The following NLRC5 variants were observed in gnomAD, a reference collection of about 807,000 sequenced individuals.
The protein encoded by NLRC5 is NLR family CARD domain containing 5.
In NLRC5, 114 loss-of-function variants were observed where a neutral mutation model predicts 206.9. The ratio of observed to expected loss-of-function variants is 0.55; its 90% CI spans 0.47 to 0.64. The LOEUF (loss-of-function observed/expected upper bound fraction) is 0.64, where lower values mean the gene tolerates loss of function less well. Ranked by LOEUF, NLRC5 falls within the 30% of genes least tolerant of loss-of-function variation. NLRC5 has a pLI of 0.00. For synonymous variants in NLRC5, 952 were observed against 962.8 expected (o/e 0.99, Z 0.21); for missense variants, 2,008 against 2,305.5 (o/e 0.87, Z 2.64).
chr16:57,031,482 G>T lies in NLRC5; in HGVS notation c.2477+19G>T, dbSNP rs367911623. ...TACAAAGGTAAGAAGCCAAGAGGCG[G>T]TGGGCCTGGGGCCATCCTTAGAAGC... On this transcript the variant is annotated intron_variant, in intron 11 of 48. Coordinates refer to ENST00000688547, the MANE Select transcript of NLRC5 (RefSeq NM_001384950.1). 6.8e-6 allele frequency: 11 copies of T among 1,613,434 alleles called. No individual in the cohort carries two copies. The highest frequency in any genetic ancestry group is 1.3e-5 in the African/African-American group (1 of 74,784).
Position 57,065,289 on chromosome 16 carries a change from C to T in NLRC5, c.4232C>T (p.Thr1411Ile). The stretch of plus-strand genomic sequence containing the variant: ...TGCGCCCAGGCCTCAGGCAGTGTCA[C>T]TGAAATCAGGTGAGTCCAGAGAAGA... ...EVCAQASGSVTEISISETQQQ... is the reference protein window; with the variant it reads ...EVCAQASGSVIEISISETQQQ... Residue 1411 changes from threonine to isoleucine, a missense_variant, in exon 33 of 49, where the codon ACT (threonine) becomes ATT (isoleucine). Physicochemically the swap from Thr to Ile is moderately conservative, Grantham distance 89 (BLOSUM62 -1). Coordinates refer to ENST00000688547, the MANE Select transcript of NLRC5 (RefSeq NM_001384950.1). 6.3e-7 allele frequency: 1 copy of T among 1,576,956 alleles called. No homozygotes were observed. Among genetic ancestry groups the T allele is most frequent in the African/African-American group, 1.4e-5 (1 of 73,386 alleles).
intron 25 of NLRC5, 50 bp downstream of exon 25, chr16:57,054,890 G>A: frequency 6.3e-7 from 1 of 1,594,680 alleles, no homozygotes; most frequent in Non-Finnish European, 8.6e-7. Flanking sequence ...GGTTGTGCCT[G>A]GAGTCTGGTG....
At chr16:56,997,571 T>C (rs1439431192) in intron 1 of NLRC5, among the ~76,000 whole-genome samples, 7 of 151,998 alleles carry the variant, frequency 4.6e-5, no homozygotes, top group African/African-American at 1.7e-4. Context: ...TTTCAAAAAT[T>C]ATGTTCTTTT....
intron 17 of NLRC5, 153 bp from the exon 18 acceptor site, chr16:57,041,332 C>A: frequency 1.6e-6 from 1 of 618,698 alleles, no homozygotes. Flanking sequence ...GTGTTGGTCC[C>A]TCTTTGTCCG....
intron 1 of NLRC5, among the ~76,000 whole-genome samples, chr16:57,015,945 A>AAAAGAAAG (rs1567531385): frequency 3.1e-4 from 17 of 55,656 alleles, no homozygotes; most frequent in Non-Finnish European, 8.0e-4. Context: ...AAAAAAAAAA[A>AAAAGAAAG]AAAGAAAGAA....
At chr16:57,032,243 T>TAA (rs76285413) in intron 11 of NLRC5, among the ~76,000 whole-genome samples, 1 of 145,762 alleles carries the variant, frequency 6.9e-6, no homozygotes, top group Non-Finnish European at 1.5e-5. Flanking sequence ...ACCCCATCTC[T>TAA]AAAAAAAAAA....
intron 16 of NLRC5, 125 bp downstream of exon 16, chr16:57,039,974 G>A (rs1319823463): frequency 8.2e-6 from 7 of 854,470 alleles, no homozygotes; most frequent in South Asian, 4.6e-5. Context: ...GGAAGAGCGG[G>A]AAGTGAGCAG....
chr16:57,030,382 A>AGATGGATG (rs57070160), intron 10 of NLRC5, among the ~76,000 whole-genome samples: 4,119 of 104,954 alleles, frequency 0.039, 346 homozygotes, highest in African/African-American at 0.044. Flanking sequence ...GTGGATGAAA[A>AGATGGATG]GATGGATGGA....
At chr16:57,049,242 T>C (rs1201978174) in intron 23 of NLRC5, among the ~76,000 whole-genome samples, 1 of 152,244 alleles carries the variant, frequency 6.6e-6, no homozygotes. Flanking sequence ...TTGGTCTAGA[T>C]TGAAATCCAA....
rs1417203434 is a variant in NLRC5 at position 57,026,264 on chromosome 16, C to A, written c.1321C>A (p.Gln441Lys). The A allele has an allele frequency of 6.2e-7, 1 of 1,614,046 alleles. No individual in the cohort carries two copies. The highest frequency in any genetic ancestry group is 8.5e-7 in the Non-Finnish European group (1 of 1,180,054). The stretch of plus-strand genomic sequence containing the variant: ...GCCCAACATGACTCAGCTCTATATG[C>A]AGATGGTGCTCGCCCTCAGCCCCCC... ...LLPNMTQLYM[Q>K]MVLALSPPGH... The change falls in exon 6 of 49, where the codon CAG becomes AAG. Residue 441 changes from glutamine to lysine, a missense_variant. Gln to Lys is a moderately conservative substitution (Grantham distance 53). Coordinates refer to ENST00000688547, the MANE Select transcript of NLRC5 (RefSeq NM_001384950.1).
rs889171945 is a variant in NLRC5 at position 57,058,092 on chromosome 16, C to T, written c.3774C>T (p.Ser1258=). The T allele has an allele frequency of 1.1e-5, 18 of 1,612,376 alleles. No homozygotes were observed. The highest frequency in any genetic ancestry group is 4.0e-5 in the African/African-American group (3 of 74,880). The change falls in exon 28 of 49, where the codon AGC becomes AGT. Residue 1258 remains serine (S), a synonymous_variant. Transcript: ENST00000688547. ...TCTCAGCAAACCTGCTGGGCGACAG[C>T]GGACTCAGATGCCTTCTGGAATGTC... ...VDLSANLLGD[S]GLRCLLECLP...
chr16:57,005,948 A>G (rs1268787501), intron 1 of NLRC5, among the ~76,000 whole-genome samples: 1 of 151,656 alleles, frequency 6.6e-6, no homozygotes, highest in Non-Finnish European at 1.5e-5. Context: ...AATTCCTTTC[A>G]CTGGGGACAA....
At chr16:57,014,178 A>G (rs781162852) in intron 1 of NLRC5, 1 of 182,180 alleles carries the variant, frequency 5.5e-6, no homozygotes, top group African/African-American at 2.4e-5. Context: ...GACCTTCTTC[A>G]TGGTGGCAGG....
rs575620219 is a variant in NLRC5 at position 57,025,201 on chromosome 16, T to C, written c.425-167T>C. 2.0e-5 allele frequency among the ~76,000 whole-genome samples: 3 copies of C among 152,320 alleles called. No homozygotes were observed. The East Asian group carries it at 5.8e-4, about 29-fold the overall frequency. ...CCTTAGAACTGATTCCTTCTGGAAG[T>C]TGGGGTGGCACAGATCCCCCTATGG... On this transcript the variant is annotated intron_variant, in intron 5 of 48. Transcript: ENST00000688547.
At chr16:57,036,204 C>T (rs929877545) in intron 14 of NLRC5, 21 bp downstream of exon 14, 3 of 1,609,914 alleles carry the variant, frequency 1.9e-6, no homozygotes, top group Non-Finnish European at 2.5e-6. Context: ...CACCCCACCG[C>T]TGGGTACCAG....
In NLRC5 at chr16:57,054,859, C is replaced by G; in HGVS notation, c.3596+19C>G. ...ATCTCAGGTGGGCATTCCCCTGGGA[C>G]AGCCAGGACTCGTCCTGAAGGGTTG... On this transcript the variant is annotated intron_variant, in intron 25 of 48. Transcript: ENST00000688547. 6.2e-7 allele frequency: 1 copy of G among 1,610,266 alleles called. No homozygotes were observed. Among genetic ancestry groups the G allele is most frequent in the South Asian group, 1.1e-5 (1 of 90,992 alleles).
At chr16:57,078,963 TG>T in intron 43 of NLRC5, 86 bp from the exon 44 acceptor site, 2 of 1,177,066 alleles carry the variant, frequency 1.7e-6, no homozygotes, top group Non-Finnish European at 2.5e-6. Context: ...GTCTACGGGC[TG>T]GCACTGCAGC....
At chr16:57,066,056 C>T (rs2067047790) in intron 33 of NLRC5, among the ~76,000 whole-genome samples, 1 of 152,178 alleles carries the variant, frequency 6.6e-6, no homozygotes, top group Non-Finnish European at 1.5e-5. Flanking sequence ...TTGTGCCCCT[C>T]CCTCAGAAAA....
intron 39 of NLRC5, among the ~76,000 whole-genome samples, chr16:57,075,185 C>T (rs72775183): frequency 2.6e-3 from 394 of 151,994 alleles, no homozygotes; most frequent in Non-Finnish European, 4.8e-3. Context: ...GGACTACAGG[C>T]CTAAGGCGTT....
Sources: gnomAD v4.1 joint callset for allele counts (sites outside exome capture counted in the v4.1 genomes callset) on GRCh38, gnomAD v4.1.1 for gene constraint, MANE v1.5 for transcripts, NCBI Gene and HGNC (gene_info 2026-07-23, HGNC 2026-07-21) for gene names.